Variants in SOX5 observed in about 807,000 individuals in gnomAD.
The protein encoded by SOX5 is SRY-box transcription factor 5.
A neutral mutation model predicts 92.0 loss-of-function variants in SOX5; 9 were observed. That is an observed-to-expected ratio of 0.10 (90% CI 0.06 to 0.17). The LOEUF (loss-of-function observed/expected upper bound fraction) is 0.17, where lower values mean the gene tolerates loss of function less well. SOX5 is among the 10% of genes least tolerant of loss of function. The probability of loss-of-function intolerance (pLI) is 1.00; values close to 1 mark genes in which losing one functional copy is unlikely to be tolerated. For missense variants in SOX5, 642 were observed against 944.5 expected (o/e 0.68, Z 4.20); for synonymous variants, 344 against 336.3 (o/e 1.02, Z -0.25).
chr12:24,000,884 GA>G (rs1951535525), intron 4 of SOX5, among the ~76,000 whole-genome samples: 1 of 152,062 alleles, frequency 6.6e-6, no homozygotes, highest in African/African-American at 2.4e-5. Flanking sequence ...AATCCTAAAA[GA>G]GTTAGGAATT....
intron 8 of SOX5, among the ~76,000 whole-genome samples, chr12:23,621,134 A>G (rs1430556686): frequency 6.6e-6 from 1 of 152,086 alleles, no homozygotes; most frequent in Admixed American, 6.6e-5. Context: ...AACTAAAGTC[A>G]TTCTTAAAGT....
At chr12:23,733,679 A>C (rs1205440120) in intron 6 of SOX5, among the ~76,000 whole-genome samples, 1 of 152,210 alleles carries the variant, frequency 6.6e-6, no homozygotes, top group Non-Finnish European at 1.5e-5. Flanking sequence ...CAAAGAAGTT[A>C]AAACATGATT....
chr12:24,448,967 G>A (rs781777980), intron 1 of SOX5, among the ~76,000 whole-genome samples: 1 of 152,002 alleles, frequency 6.6e-6, no homozygotes, highest in Non-Finnish European at 1.5e-5. Context: ...CCACCAGCCT[G>A]TACCTAATTT....
intron 4 of SOX5, among the ~76,000 whole-genome samples, chr12:24,179,067 G>T (rs570951896): frequency 6.6e-6 from 1 of 152,104 alleles, no homozygotes; most frequent in African/African-American, 2.4e-5. Flanking sequence ...TGATATCAGC[G>T]GGCTTGTTAC....
chr12:23,601,170 A>G (rs1479363458), intron 9 of SOX5, among the ~76,000 whole-genome samples: 1 of 152,148 alleles, frequency 6.6e-6, no homozygotes, highest in Non-Finnish European at 1.5e-5. Context: ...TGAAAACAGC[A>G]TGCATCAGAG....
intron 4 of SOX5, among the ~76,000 whole-genome samples, chr12:24,095,124 C>CAGAGAGAGAGAGAGAGAGAG (rs1295495095): frequency 2.0e-4 from 21 of 105,108 alleles, no homozygotes; most frequent in Admixed American, 4.9e-4. Context: ...CACACACACA[C>CAGAGAGAGAGAGAGAGAGAG]ACACAGAGAG....
chr12:24,002,824 A>T (rs774800726), intron 4 of SOX5, among the ~76,000 whole-genome samples: 2 of 152,120 alleles, frequency 1.3e-5, no homozygotes, highest in Non-Finnish European at 2.9e-5. Flanking sequence ...AATTTATTTT[A>T]TGAAGTCAGT....
At chr12:23,762,720 C>A (rs372642916) in intron 3 of SOX5, 2 of 426,032 alleles carry the variant, frequency 4.7e-6, no homozygotes, top group African/African-American at 2.0e-5. Context: ...CTTAAATTTT[C>A]TTGTTGCATC....
chr12:23,544,844 A>T (rs1050291870), intron 12 of SOX5, among the ~76,000 whole-genome samples: 58 of 152,348 alleles, frequency 3.8e-4, no homozygotes, highest in Non-Finnish European at 6.9e-4. Flanking sequence ...ACATCTTCCT[A>T]AAATGGGTTT....
At chr12:24,367,489 C>G (rs1956289734) in intron 2 of SOX5, among the ~76,000 whole-genome samples, 1 of 152,118 alleles carries the variant, frequency 6.6e-6, no homozygotes, top group Non-Finnish European at 1.5e-5. Flanking sequence ...GGGAACAACT[C>G]ATATTTATAA....
At chr12:23,900,378 T>C (rs1016847003) in intron 1 of SOX5, among the ~76,000 whole-genome samples, 40 of 152,296 alleles carry the variant, frequency 2.6e-4, no homozygotes, top group African/African-American at 9.4e-4. Context: ...CTGAAGGCTG[T>C]CCATATGCCT....
At position 23,786,908 on chromosome 12, in the gene SOX5, C is replaced by T. The variant is rs1324705088; in HGVS notation, c.482-31184G>A. ...TTCTTTTTCTGAATTAGTTAAGGTT[C>T]CTGTTTCGAGTTTTGTAGTGAGTGA... is the stretch of plus-strand genomic sequence containing the variant. On this transcript the variant is annotated intron_variant, in intron 3 of 14. Transcript: ENST00000451604. Among the ~76,000 whole-genome samples the T allele has an allele frequency of 2.8e-5, 4 of 145,020 alleles. 1 individual carries two copies. Among genetic ancestry groups the T allele is most frequent in the Non-Finnish European group, 6.1e-5 (4 of 65,288 alleles).
chr12:24,551,503 CT>C (rs1953162480), intron 1 of SOX5, among the ~76,000 whole-genome samples: 1 of 152,170 alleles, frequency 6.6e-6, no homozygotes, highest in African/African-American at 2.4e-5. Flanking sequence ...AACGTAAATG[CT>C]TTTTTCCCCT....
At chr12:23,819,019 T>C (rs369760368) in intron 3 of SOX5, among the ~76,000 whole-genome samples, 19 of 152,256 alleles carry the variant, frequency 1.2e-4, no homozygotes, top group Middle Eastern at 3.4e-3. Flanking sequence ...AGTCACCTTG[T>C]TTTAATAAGT....
intron 3 of SOX5, among the ~76,000 whole-genome samples, chr12:23,758,151 G>T (rs1369995175): frequency 6.6e-6 from 1 of 151,772 alleles, no homozygotes; most frequent in African/African-American, 2.4e-5. Flanking sequence ...CTTAGATGAG[G>T]TATATACTTT....
At chr12:24,539,439 CA>C (rs1341060726) in intron 1 of SOX5, among the ~76,000 whole-genome samples, 1 of 152,100 alleles carries the variant, frequency 6.6e-6, no homozygotes, top group Non-Finnish European at 1.5e-5. Flanking sequence ...GGTGATGTTA[CA>C]AAAGTGTGTT....
chr12:23,997,024 G>A (rs1252753023), intron 4 of SOX5, among the ~76,000 whole-genome samples: 1 of 152,156 alleles, frequency 6.6e-6, no homozygotes, highest in African/African-American at 2.4e-5. Flanking sequence ...ATGGCCACAT[G>A]AAGCACTCAG....
chr12:24,168,195 A>T (rs1197894690), intron 4 of SOX5, among the ~76,000 whole-genome samples: 1 of 152,186 alleles, frequency 6.6e-6, no homozygotes, highest in Non-Finnish European at 1.5e-5. Flanking sequence ...CAGTCCCTCC[A>T]TGGTGAGATT....
chr12:24,017,500 T>G (rs556673922), intron 4 of SOX5, among the ~76,000 whole-genome samples: 1 of 152,210 alleles, frequency 6.6e-6, no homozygotes, highest in East Asian at 1.9e-4. Flanking sequence ...CTTGGGAGGC[T>G]GAGGCAGGAG....
Sources: allele counts gnomAD v4.1 joint callset (sites outside exome capture counted in the v4.1 genomes callset), GRCh38; gene constraint gnomAD v4.1.1; transcripts MANE v1.5; gene names NCBI Gene and HGNC (gene_info 2026-07-23, HGNC 2026-07-21).